Variants in ESR1 observed in about 807,000 individuals in gnomAD.
The protein encoded by ESR1 is estrogen receptor 1.
A neutral mutation model predicts 52.7 loss-of-function variants in ESR1; 12 were observed. That is an observed-to-expected ratio of 0.23 (90% CI 0.15 to 0.37). The LOEUF (loss-of-function observed/expected upper bound fraction) is 0.37. ESR1 is among the 10% of genes least tolerant of loss of function. The pLI, the probability that ESR1 is intolerant of heterozygous loss-of-function variation, is 1.00. For missense variants in ESR1, 584 were observed against 779.7 expected, an observed-to-expected ratio of 0.75 and a Z score of 2.99; for synonymous variants, 305 against 316.8, an observed-to-expected ratio of 0.96 and a Z score of 0.39.
At chr6:151,810,572 G>T (rs906254890) in intron 1 of ESR1, among the ~76,000 whole-genome samples, 6 of 152,194 alleles carry the variant, frequency 3.9e-5, no homozygotes, top group African/African-American at 1.4e-4. Context: ...AAGTTTTGGG[G>T]CTGAAAGCAG....
At chr6:151,841,892 G>A (rs1784347301) in intron 1 of ESR1, among the ~76,000 whole-genome samples, 3 of 151,904 alleles carry the variant, frequency 2.0e-5, no homozygotes, top group Non-Finnish European at 4.4e-5. Flanking sequence ...TTTTTAAGAA[G>A]CATTTTTATA....
Position 152,015,043 on chromosome 6 carries a change from G to C in ESR1, c.1235+3249G>C, listed in dbSNP as rs558563442. On this transcript the variant is annotated intron_variant, in intron 5 of 7. Coordinates refer to ENST00000206249, the MANE Select transcript of ESR1 (RefSeq NM_000125.4). ...AATTGTGCCATTGCACTCCAGCCTGGATGAAATTCCGTCTCAAAAAAAGAA... is the reference window on the plus strand; with the variant it reads ...AATTGTGCCATTGCACTCCAGCCTGCATGAAATTCCGTCTCAAAAAAAGAA... 5.4e-4 allele frequency among the ~76,000 whole-genome samples: 82 copies of C among 152,194 alleles called. No homozygotes were observed. In the South Asian group the frequency reaches 7.9e-3, roughly 15 times the overall value.
At chr6:151,795,220 G>A (rs1166748283) in intron 2 of ESR1, among the ~76,000 whole-genome samples, 1 of 151,832 alleles carries the variant, frequency 6.6e-6, no homozygotes, top group Non-Finnish European at 1.5e-5. Context: ...GGTGTGGTGG[G>A]TCATGCCTGT....
intron 4 of ESR1, among the ~76,000 whole-genome samples, chr6:151,984,867 G>C (rs9383954): frequency 0.093 from 14,118 of 151,986 alleles, 1,393 homozygotes; most frequent in African/African-American, 0.24. Context: ...TGGATATTTT[G>C]AGATAACTGT....
rs186859384 is a variant in ESR1 at position 151,789,530 on chromosome 6, C to T, written c.-70-18313C>T. 8.9e-4 allele frequency among the ~76,000 whole-genome samples: 136 copies of T among 152,214 alleles called. 1 individual carries two copies. The highest frequency in any genetic ancestry group is 3.0e-3 in the African/African-American group (126 of 41,536). ...GGCAGTGGGGAGGGTGAATGATAGA[C>T]GCAAATTCCTTGAAGGAATAGAAAT... On this transcript the variant is annotated intron_variant, in intron 2 of 2. Coordinates refer to the ESR1 transcript ENST00000404742.
upstream of ESR1, among the ~76,000 whole-genome samples, chr6:151,802,210 A>G (rs1310290145): frequency 6.6e-6 from 1 of 152,228 alleles, no homozygotes; most frequent in Non-Finnish European, 1.5e-5. Flanking sequence ...GCTAATCAAA[A>G]ACCCTTAAAA....
chr6:152,057,880 AAAT>A (rs1184416096), intron 5 of ESR1, among the ~76,000 whole-genome samples: 3 of 152,174 alleles, frequency 2.0e-5, no homozygotes, highest in African/African-American at 7.2e-5. Flanking sequence ...AGGCTGAGAA[AAAT>A]ACACTCTTGC....
At chr6:151,863,172 C>G in intron 2 of ESR1, among the ~76,000 whole-genome samples, 1 of 152,030 alleles carries the variant, frequency 6.6e-6, no homozygotes, top group East Asian at 1.9e-4. Context: ...CTTTAAAATT[C>G]TGTGATGAAA....
intron 2 of ESR1, among the ~76,000 whole-genome samples, chr6:151,717,146 G>A (rs776258167): frequency 6.6e-6 from 1 of 152,166 alleles, no homozygotes; most frequent in Admixed American, 6.5e-5. Flanking sequence ...CAGGTGAGGC[G>A]ATGCCCCACC....
intron 3 of ESR1, among the ~76,000 whole-genome samples, chr6:151,894,220 C>T (rs1297679759): frequency 6.6e-6 from 1 of 152,076 alleles, no homozygotes; most frequent in East Asian, 1.9e-4. Flanking sequence ...TATTCATGTC[C>T]TTAGCCCACT....
chr6:151,929,945 C>A (rs12154178), intron 3 of ESR1, among the ~76,000 whole-genome samples: 88,790 of 151,660 alleles, frequency 0.59, 27,203 homozygotes, highest in Middle Eastern at 0.75. Flanking sequence ...CAATGTATGT[C>A]ATACCATTTT....
At chr6:151,781,558 C>A (rs1482284549) in intron 2 of ESR1, among the ~76,000 whole-genome samples, 1 of 152,166 alleles carries the variant, frequency 6.6e-6, no homozygotes. Context: ...GAGACTGAAA[C>A]CCTGATGTTT....
chr6:151,827,706 G>T (rs1781744496), intron 1 of ESR1, among the ~76,000 whole-genome samples: 1 of 152,142 alleles, frequency 6.6e-6, no homozygotes, highest in Non-Finnish European at 1.5e-5. Flanking sequence ...TAAATATCAA[G>T]AGTTTGTATT....
intron 4 of ESR1, among the ~76,000 whole-genome samples, chr6:151,987,926 A>G (rs1451931486): frequency 1.3e-5 from 2 of 152,118 alleles, no homozygotes; most frequent in Non-Finnish European, 2.9e-5. Flanking sequence ...CAAAGAGTGC[A>G]AATAATCACC....
chr6:151,928,488 C>T (rs1302899224), intron 3 of ESR1, among the ~76,000 whole-genome samples: 1 of 152,064 alleles, frequency 6.6e-6, no homozygotes, highest in African/African-American at 2.4e-5. Flanking sequence ...AATACAGTTT[C>T]TACTGAATGC....
At chr6:151,960,522 C>T (rs1351707342) in intron 4 of ESR1, among the ~76,000 whole-genome samples, 1 of 152,118 alleles carries the variant, frequency 6.6e-6, no homozygotes, top group South Asian at 2.1e-4. Flanking sequence ...AGAGTCCTGA[C>T]AGCAAGAGCA....
In ESR1 at chr6:151,912,093, TACA is replaced by T. The variant is rs9340878; in HGVS notation, c.760+31326_760+31328del. Among the ~76,000 whole-genome samples, 44 of 152,324 alleles carry T rather than the reference TACA, an allele frequency of 2.9e-4. No individual in the cohort carries two copies. In the East Asian group the frequency reaches 7.3e-3, roughly 25 times the overall value. On this transcript the variant is annotated intron_variant, in intron 3 of 7. Coordinates refer to ENST00000206249, the MANE Select transcript of ESR1 (RefSeq NM_000125.4). ...GCTACCATTTTGGGCAGTGCTACTA[TACA>T]ACATTTCTATCACCACAGAGAGTGC...
At chr6:151,848,097 G>T in intron 2 of ESR1, among the ~76,000 whole-genome samples, 1 of 97,584 alleles carries the variant, frequency 1.0e-5, no homozygotes. Flanking sequence ...AACAATGATA[G>T]ACTGGATTAA....
At chr6:151,840,062 TC>T (rs558135294) in intron 1 of ESR1, among the ~76,000 whole-genome samples, 55 of 152,366 alleles carry the variant, frequency 3.6e-4, no homozygotes, top group African/African-American at 1.3e-3. Context: ...TACTGTTCAC[TC>T]ACTTATTCCT....
Sources: allele counts gnomAD v4.1 joint callset (sites outside exome capture counted in the v4.1 genomes callset), GRCh38; gene constraint gnomAD v4.1.1; transcripts MANE v1.5; gene names NCBI Gene and HGNC (gene_info 2026-07-23, HGNC 2026-07-21).